The following GALNT13 variants were observed in gnomAD, a reference collection of about 807,000 sequenced individuals.
GALNT13 encodes the protein UDP-GalNAc:polypeptide N-acetylgalactosaminyltransferase 13.
Under a neutral mutation model 64.2 loss-of-function variants are expected in GALNT13, and 28 were observed. That is an observed-to-expected ratio of 0.44 (90% confidence interval 0.32 to 0.60). The LOEUF (loss-of-function observed/expected upper bound fraction) is 0.60. Ranked by LOEUF, GALNT13 falls within the 20% of genes least tolerant of loss-of-function variation. GALNT13 has a pLI of 0.05. For missense variants in GALNT13, 577 were observed against 669.8 expected (o/e 0.86, Z 1.53); for synonymous variants, 214 against 224.6 (o/e 0.95, Z 0.42).
intron 11 of GALNT13, among the ~76,000 whole-genome samples, chr2:154,430,670 G>A (rs991014348): frequency 3.3e-5 from 5 of 152,172 alleles, no homozygotes; most frequent in African/African-American, 4.8e-5. Flanking sequence ...GTTCTACCAT[G>A]AGTAAAATGC....
At chr2:154,333,287 A>G (rs1439415219) in intron 9 of GALNT13, among the ~76,000 whole-genome samples, 2 of 152,084 alleles carry the variant, frequency 1.3e-5, no homozygotes, top group Non-Finnish European at 2.9e-5. Flanking sequence ...ATGTATACAT[A>G]TATGTAAAAA....
At chr2:153,382,727 CAG>C in the GALNT13 span, among the ~76,000 whole-genome samples, 1 of 151,922 alleles carries the variant, frequency 6.6e-6, no homozygotes, top group Non-Finnish European at 1.5e-5. Flanking sequence ...ATACATAAAT[CAG>C]GGATAAATCT....
At chr2:153,996,642 T>G (rs540822236) in intron 3 of GALNT13, among the ~76,000 whole-genome samples, 22 of 152,280 alleles carry the variant, frequency 1.4e-4, no homozygotes, top group Admixed American at 2.6e-4. Context: ...TTCAGTATGT[T>G]GACTGTTTGC....
chr2:154,242,121 G>A lies in GALNT13; in HGVS notation c.403G>A (p.Val135Ile). ...AGCTTGGAGCACTCTCCTTAGAACT[G>A]TTTACAGTGTGATAAATCGTTCCCC... ...NEAWSTLLRT[V>I]YSVINRSPHY... is the part of the protein sequence containing the mutation. Residue 135 changes from valine to isoleucine, a missense_variant, in exon 5 of 13, where the codon GTT (valine) becomes ATT (isoleucine). Val to Ile is a conservative substitution (Grantham distance 29, BLOSUM62 3). This residue lies in a region of GALNT13 where 341 missense variants were observed against 379.3 expected (regional missense o/e 0.90). Coordinates refer to ENST00000392825, the MANE Select transcript of GALNT13 (RefSeq NM_052917.4). The A allele has an allele frequency of 1.2e-6, 2 of 1,612,810 alleles. No individual in the cohort carries two copies. Among genetic ancestry groups the A allele is most frequent in the Non-Finnish European group, 1.7e-6 (2 of 1,179,102 alleles).
At chr2:153,715,284 G>T in the GALNT13 span, among the ~76,000 whole-genome samples, 1 of 152,216 alleles carries the variant, frequency 6.6e-6, no homozygotes, top group Non-Finnish European at 1.5e-5. Flanking sequence ...TAGCTGAGGT[G>T]GTAATTGGAT....
chr2:154,287,434 C>A, intron 8 of GALNT13: 1 of 424,382 alleles, frequency 2.4e-6, no homozygotes, highest in Non-Finnish European at 4.5e-6. Context: ...GAGGGCCCAC[C>A]CTGCCTTCAC....
At chr2:153,550,749 T>C in the GALNT13 span, among the ~76,000 whole-genome samples, 2 of 152,206 alleles carry the variant, frequency 1.3e-5, no homozygotes, top group African/African-American at 4.8e-5. Flanking sequence ...ACAATTAGCA[T>C]TGTATTTGAA....
At chr2:153,510,366 T>G in the GALNT13 span, among the ~76,000 whole-genome samples, 1 of 152,170 alleles carries the variant, frequency 6.6e-6, no homozygotes, top group African/African-American at 2.4e-5. Flanking sequence ...CTGGACTCAT[T>G]TACTCAATAC....
At chr2:153,718,983 G>T in the GALNT13 span, among the ~76,000 whole-genome samples, 1 of 152,092 alleles carries the variant, frequency 6.6e-6, no homozygotes, top group Non-Finnish European at 1.5e-5. Flanking sequence ...AAAGTCCAGA[G>T]AAGGATTTTC....
chr2:153,524,536 C>T, the GALNT13 span, among the ~76,000 whole-genome samples: 1 of 152,044 alleles, frequency 6.6e-6, no homozygotes, highest in Non-Finnish European at 1.5e-5. Flanking sequence ...TTGCCAATGC[C>T]ACACCTCCCC....
the GALNT13 span, among the ~76,000 whole-genome samples, chr2:153,431,716 G>A: frequency 3.3e-5 from 5 of 152,202 alleles, no homozygotes. Flanking sequence ...ATGATGGAGA[G>A]GGTTTGCCTT....
At chr2:153,811,157 A>T in the GALNT13 span, among the ~76,000 whole-genome samples, 2 of 152,180 alleles carry the variant, frequency 1.3e-5, no homozygotes, top group African/African-American at 4.8e-5. Context: ...GGAGGTTCAG[A>T]AAGGTTAGAA....
chr2:153,843,481 A>T, the GALNT13 span, among the ~76,000 whole-genome samples: 1 of 152,222 alleles, frequency 6.6e-6, no homozygotes, highest in East Asian at 1.9e-4. Flanking sequence ...TGGTGATTAC[A>T]TCTCAACATG....
the GALNT13 span, among the ~76,000 whole-genome samples, chr2:153,718,322 G>A: frequency 3.3e-5 from 5 of 151,796 alleles, no homozygotes; most frequent in African/African-American, 1.2e-4. Context: ...CACAAAGTAA[G>A]GTAGTGAAAT....
chr2:153,475,306 A>G, the GALNT13 span, among the ~76,000 whole-genome samples: 1 of 152,212 alleles, frequency 6.6e-6, no homozygotes, highest in African/African-American at 2.4e-5. Flanking sequence ...ATTTCCCTGT[A>G]GTGCATAGAT....
the GALNT13 span, among the ~76,000 whole-genome samples, chr2:153,579,896 T>G: frequency 2.6e-5 from 4 of 152,122 alleles, no homozygotes; most frequent in South Asian, 8.3e-4. Flanking sequence ...ACCCCCACCT[T>G]CTGTGGAAAA....
At chr2:153,622,269 A>C in the GALNT13 span, among the ~76,000 whole-genome samples, 2 of 152,130 alleles carry the variant, frequency 1.3e-5, no homozygotes, top group African/African-American at 2.4e-5. Context: ...ATATAATTTA[A>C]ATTTCACAGA....
At position 154,076,401 on chromosome 2, in the gene GALNT13, T is replaced by C. The variant is rs142770267; in HGVS notation, c.143-63936T>C. Among the ~76,000 whole-genome samples, 405 of 151,754 alleles carry C rather than the reference T, an allele frequency of 2.7e-3. 7 individuals carry two copies. The Middle Eastern group carries it at 0.031, about 11-fold the overall frequency. On this transcript the variant is annotated intron_variant, in intron 3 of 12. Transcript: ENST00000392825. ...ATTCTTGCACAAAGAGGGTGGCAAATATTTGAGAACAAAGACATAATCCAC... is the reference window on the plus strand; with the variant it reads ...ATTCTTGCACAAAGAGGGTGGCAAACATTTGAGAACAAAGACATAATCCAC...
At chr2:153,960,459 G>C (rs1269459845) in intron 3 of GALNT13, among the ~76,000 whole-genome samples, 1 of 152,208 alleles carries the variant, frequency 6.6e-6, no homozygotes, top group Non-Finnish European at 1.5e-5. Flanking sequence ...TTGCAGCTCT[G>C]TGACTGCTCC....
Sources: allele counts gnomAD v4.1 joint callset (sites outside exome capture counted in the v4.1 genomes callset), GRCh38; gene constraint gnomAD v4.1.1; regional missense constraint gnomAD v4.1.1; transcripts MANE v1.5; gene names NCBI Gene and HGNC (gene_info 2026-07-23, HGNC 2026-07-21).